LY6S: variants seen among roughly 807,000 people sequenced by gnomAD.
LY6S encodes the protein lymphocyte antigen 6S.
chr8:143,048,624 C>G, the LY6S span, among the ~76,000 whole-genome samples: 1 of 151,932 alleles, frequency 6.6e-6, no homozygotes, highest in South Asian at 2.1e-4. Flanking sequence ...TCTGCCACCA[C>G]GCCCGGCTAA....
chr8:143,054,760 C>G, the LY6S span, among the ~76,000 whole-genome samples: 34 of 152,344 alleles, frequency 2.2e-4, no homozygotes, highest in African/African-American at 8.2e-4. Flanking sequence ...AGGACCCCTT[C>G]TTCCCTTGGG....
the LY6S span, among the ~76,000 whole-genome samples, chr8:143,064,785 T>A: frequency 6.6e-6 from 1 of 152,214 alleles, no homozygotes; most frequent in South Asian, 2.1e-4. Context: ...CTCTACAACA[T>A]CCCAGTTTGG....
the LY6S span, chr8:143,042,907 G>A: frequency 1.1e-6 from 1 of 915,530 alleles, no homozygotes; most frequent in Non-Finnish European, 1.6e-6. Context: ...TGGGCTGGAG[G>A]GCCTGGGCCC....
the LY6S span, among the ~76,000 whole-genome samples, chr8:143,070,459 T>C: frequency 0.021 from 936 of 45,592 alleles, 19 homozygotes; most frequent in East Asian, 0.088. Flanking sequence ...TATATATATA[T>C]ATATAATATA....
At chr8:143,061,506 TTGG>T in the LY6S span, among the ~76,000 whole-genome samples, 134 of 101,736 alleles carry the variant, frequency 1.3e-3, no homozygotes, top group Middle Eastern at 5.6e-3. Context: ...GTTTGTTTGG[TTGG>T]TTGGTTGGTT....
chr8:143,072,276 C>T, the LY6S span, among the ~76,000 whole-genome samples: 10,098 of 42,550 alleles, frequency 0.24, 368 homozygotes, highest in East Asian at 0.39. Flanking sequence ...GCCGTCGTCC[C>T]CGGGGTTCCT....
chr8:143,046,017 T>A, the LY6S span, among the ~76,000 whole-genome samples: 3 of 152,048 alleles, frequency 2.0e-5, no homozygotes, highest in Admixed American at 2.0e-4. Flanking sequence ...CCACACCCAG[T>A]TAATTTTTGT....
the LY6S span, among the ~76,000 whole-genome samples, chr8:143,071,273 G>T: frequency 2.0e-5 from 3 of 152,184 alleles, no homozygotes; most frequent in Non-Finnish European, 4.4e-5. Context: ...CCCAAGAAGA[G>T]GTCTCAAACG....
chr8:143,067,476 C>T, the LY6S span, among the ~76,000 whole-genome samples: 11 of 152,194 alleles, frequency 7.2e-5, no homozygotes, highest in Non-Finnish European at 1.5e-4. Context: ...GGGACCCCTG[C>T]CCCTCCACAC....
At chr8:143,057,291 G>A in the LY6S span, 2 of 272,838 alleles carry the variant, frequency 7.3e-6, no homozygotes, top group African/African-American at 2.3e-5. Flanking sequence ...GCTCTGTCAC[G>A]CAGGCTGGAG....
At chr8:143,049,310 C>T in the LY6S span, 30 of 534,148 alleles carry the variant, frequency 5.6e-5, no homozygotes, top group Admixed American at 1.2e-4. Context: ...TGAGCTAAAA[C>T]GGAAAAGACA....
chr8:143,044,757 C>A, the LY6S span: 1 of 1,367,532 alleles, frequency 7.3e-7, no homozygotes, highest in South Asian at 1.1e-5. Context: ...TGCAGGAGGC[C>A]CCTTCCAAGA....
the LY6S span, among the ~76,000 whole-genome samples, chr8:143,076,088 G>A: frequency 6.6e-6 from 1 of 152,304 alleles, no homozygotes; most frequent in South Asian, 2.1e-4. Context: ...GGACTCTCTG[G>A]TTCAAGAGCT....
chr8:143,070,450 A>AT, the LY6S span, among the ~76,000 whole-genome samples: 5 of 56,168 alleles, frequency 8.9e-5, no homozygotes, highest in African/African-American at 3.7e-4. Flanking sequence ...TATATTGTAT[A>AT]TATATATATA....
At chr8:143,050,142 A>G in the LY6S span, among the ~76,000 whole-genome samples, 2 of 150,022 alleles carry the variant, frequency 1.3e-5, no homozygotes, top group Non-Finnish European at 3.0e-5. Flanking sequence ...AGTTGCAGCC[A>G]TCGCCATTCT....
At chr8:143,047,145 A>ATTT in the LY6S span, among the ~76,000 whole-genome samples, 1 of 148,222 alleles carries the variant, frequency 6.7e-6, no homozygotes, top group Non-Finnish European at 1.5e-5. Context: ...TAGGGGCTTG[A>ATTT]TTTTTTTTTT....
the LY6S span, among the ~76,000 whole-genome samples, chr8:143,068,451 C>T: frequency 4.4e-3 from 665 of 152,114 alleles, 1 homozygote; most frequent in Non-Finnish European, 7.6e-3. Context: ...CTTTCTTTTC[C>T]CCACAACCTG....
At chr8:143,057,230 T>C in the LY6S span, 1 of 256,598 alleles carries the variant, frequency 3.9e-6, no homozygotes, top group Non-Finnish European at 7.7e-6. Flanking sequence ...GCCTTTAGTC[T>C]CTTTTTTACT....
At chr8:143,065,734 C>CTCTT in the LY6S span, among the ~76,000 whole-genome samples, 8,099 of 106,118 alleles carry the variant, frequency 0.076, 697 homozygotes, top group East Asian at 0.28. Flanking sequence ...CCCTTTCTTT[C>CTCTT]TCTTTCTTTC....
Sources: gnomAD v4.1 joint callset for allele counts (sites outside exome capture counted in the v4.1 genomes callset) on GRCh38, gnomAD v4.1.1 for gene constraint, MANE v1.5 for transcripts, NCBI Gene and HGNC (gene_info 2026-07-23, HGNC 2026-07-21) for gene names.